The following MED1 variants were observed in gnomAD, a reference collection of about 807,000 sequenced individuals.
The protein encoded by MED1 is mediator complex subunit 1.
A neutral mutation model predicts 121.3 loss-of-function variants in MED1; 17 were observed. The ratio of observed to expected loss-of-function variants is 0.14; its 90% CI spans 0.10 to 0.21. The LOEUF is 0.21. Ranked by LOEUF, MED1 falls within the 10% of genes least tolerant of loss-of-function variation. The pLI is 1.00. For synonymous variants in MED1, 661 were observed against 694.4 expected (o/e 0.95, Z 0.76); for missense variants, 1,558 against 1,919.4 (o/e 0.81, Z 3.52).
Position 39,440,501 on chromosome 17 carries a change from C to T in MED1, c.284G>A (p.Ser95Asn), listed in dbSNP as rs1472380042. The change falls in exon 5 of 17, where the codon AGT (serine) becomes AAT (asparagine). Residue 95 changes from serine to asparagine, a missense_variant. Physicochemically the swap from Ser to Asn is conservative, Grantham distance 46 (BLOSUM62 1). Transcript: ENST00000300651. The surrounding 1 kb of genome is among the most constrained non-coding windows in gnomAD (Gnocchi z 4.1). ...ARQNGLGSHLSASGTECYITS... is the reference protein window; with the variant it reads ...ARQNGLGSHLNASGTECYITS... ...GATGTAACATTCAGTGCCACTGGCA[C>T]TGAGATGAGAGCCCAGTCTAGCAGG... 3.7e-6 allele frequency: 6 copies of T among 1,610,170 alleles called. No homozygotes were observed. The South Asian group carries it at 5.6e-5, about 15-fold the overall frequency.
rs746939024 is a variant in MED1, at chr17:39,409,673, T to C, written c.2548A>G (p.Ser850Gly). 8.1e-6 allele frequency: 13 copies of C among 1,614,176 alleles called. No homozygotes were observed. The highest frequency in any genetic ancestry group is 1.7e-5 in the Admixed American group (1 of 60,018). ...AAATGATTGGTAGGAGAGTCACTACTGGGGCTTCCAGCAGCATCTGCAATA... is the reference window on the plus strand; with the variant it reads ...AAATGATTGGTAGGAGAGTCACTACCGGGGCTTCCAGCAGCATCTGCAATA... ...DLIADAAGSP[S>G]SDSPTNHFFH... The change falls in exon 17 of 17, where the codon AGT becomes GGT. Residue 850 changes from serine to glycine, a missense_variant. Physicochemically the swap from Ser to Gly is moderately conservative, Grantham distance 56. This residue lies in a region of MED1 where 793 missense variants were observed against 898.2 expected (regional missense o/e 0.88). Coordinates refer to ENST00000300651, the MANE Select transcript of MED1 (RefSeq NM_004774.4).
intron 14 of MED1, 32 bp from the exon 15 acceptor site, chr17:39,415,371 C>T: frequency 6.4e-7 from 1 of 1,564,788 alleles, no homozygotes; most frequent in Non-Finnish European, 8.8e-7. Flanking sequence ...CATAAAACAA[C>T]CAAATATAAG....
intron 6 of MED1, among the ~76,000 whole-genome samples, chr17:39,436,625 T>C (rs772034966): frequency 1.3e-5 from 2 of 152,138 alleles, no homozygotes; most frequent in Non-Finnish European, 2.9e-5. Flanking sequence ...CCTAGCACTT[T>C]TACTGTAACA....
At position 39,409,941 on chromosome 17, in the gene MED1, T is replaced by C. The variant is rs761491807; in HGVS notation, c.2280A>G (p.Gln760=). 1.2e-6 allele frequency: 2 copies of C among 1,613,812 alleles called. No homozygotes were observed. The highest frequency in any genetic ancestry group is 1.7e-6 in the Non-Finnish European group (2 of 1,179,944). ...GTCGGACCATCCTTTGAATACTGGGTTGGGGGTGAGGTACTGGTTGTGGGT... is the reference window on the plus strand; with the variant it reads ...GTCGGACCATCCTTTGAATACTGGGCTGGGGGTGAGGTACTGGTTGTGGGT... ...TTYPQPVPHP[Q]PSIQRMVRLS... Residue 760 remains glutamine (Q), a synonymous_variant, in exon 17 of 17, where the codon CAA becomes CAG. Coordinates refer to ENST00000300651, the MANE Select transcript of MED1 (RefSeq NM_004774.4).
At chr17:39,421,603 G>C (rs976278127) in intron 13 of MED1, among the ~76,000 whole-genome samples, 1 of 151,876 alleles carries the variant, frequency 6.6e-6, no homozygotes, top group Non-Finnish European at 1.5e-5. Flanking sequence ...GCCCAGGCTG[G>C]TATTGAACTC....
At chr17:39,432,645 T>G (rs906586637) in intron 7 of MED1, among the ~76,000 whole-genome samples, 2 of 151,762 alleles carry the variant, frequency 1.3e-5, no homozygotes, top group Admixed American at 1.3e-4. Context: ...TCCCAGCTAC[T>G]TGGGAGACTA....
intron 13 of MED1, 48 bp downstream of exon 13, chr17:39,423,279 G>C: frequency 7.5e-7 from 1 of 1,334,212 alleles, no homozygotes. Flanking sequence ...TATGATCTTG[G>C]GTCCAAACAT....
Position 39,423,340 on chromosome 17 carries a change from A to G in MED1, c.1082T>C (p.Met361Thr). The change falls in exon 13 of 17, where the codon ATG becomes ACG. Residue 361 changes from methionine (M) to threonine (T), a missense_variant. By Grantham distance (81) the Met-to-Thr change is moderately conservative. Transcript: ENST00000300651. ...GGCTTTACTTACAGCATAAAATCTC[A>G]TGTTGTGATTCAAAGGTATGGGGTC... is the stretch of plus-strand genomic sequence containing the variant. ...DPDPIPLNHN[M>T]RFYAALPGQQ... 1 of 1,602,362 alleles carries G rather than the reference A, an allele frequency of 6.2e-7. No individual in the cohort carries two copies. The highest frequency in any genetic ancestry group is 2.2e-5 in the East Asian group (1 of 44,824).
chr17:39,447,775 A>T, intron 2 of MED1, 23 bp downstream of exon 2: 2 of 1,530,162 alleles, frequency 1.3e-6, no homozygotes, highest in Non-Finnish European at 1.8e-6. Context: ...AAAACACTTT[A>T]CCCACTTCAC....
At chr17:39,432,040 T>G in intron 7 of MED1, 24 bp from the exon 8 acceptor site, 2 of 1,552,202 alleles carry the variant, frequency 1.3e-6, no homozygotes, top group South Asian at 2.2e-5. Flanking sequence ...GAGAAGAACA[T>G]GAGTTAATAG....
In MED1 at chr17:39,409,406, T is replaced by C; in HGVS notation, c.2815A>G (p.Lys939Glu). ...ATAAGATCTGCAGGAGCTAAAGCTTTGCCGGCTACTGAAATAATACTGAAA... is the reference window on the plus strand; with the variant it reads ...ATAAGATCTGCAGGAGCTAAAGCTTCGCCGGCTACTGAAATAATACTGAAA... Reference protein sequence around the residue: ...VDFSIISVAGKALAPADLMEH... With the variant: ...VDFSIISVAGEALAPADLMEH... Residue 939 changes from lysine to glutamate, a missense_variant, in exon 17 of 17, where the codon AAA becomes GAA. Around this residue, in one of 5 missense-constraint regions of MED1, gnomAD observed 793 missense variants for 898.2 expected, o/e 0.88. Coordinates refer to ENST00000300651, the MANE Select transcript of MED1 (RefSeq NM_004774.4). 6.2e-7 allele frequency: 1 copy of C among 1,614,192 alleles called. No homozygotes were observed. Among genetic ancestry groups the C allele is most frequent in the Non-Finnish European group, 8.5e-7 (1 of 1,180,038 alleles).
Position 39,408,390 on chromosome 17 carries a change from G to A in MED1, c.3831C>T (p.Gly1277=), listed in dbSNP as rs1420159250. ...TASSSSFSSS[G]SSMSSSQNQH... Reference sequence around the variant, plus strand: ...GGTTCTGAGAGGATGACATGGAAGAGCCACTTGAGGAAAAGGAGGAGGAAG... The same window carrying A: ...GGTTCTGAGAGGATGACATGGAAGAACCACTTGAGGAAAAGGAGGAGGAAG... Residue 1277 remains glycine (G), a synonymous_variant, in exon 17 of 17, where the codon GGC becomes GGT. Transcript: ENST00000300651. The surrounding 1 kb of genome is among the most constrained non-coding windows in gnomAD (Gnocchi z 4.7). 1 of 1,614,060 alleles carries A rather than the reference G, an allele frequency of 6.2e-7. No individual in the cohort carries two copies. The highest frequency in any genetic ancestry group is 8.5e-7 in the Non-Finnish European group (1 of 1,180,044).
At chr17:39,434,005 T>G (rs542745684) in intron 7 of MED1, among the ~76,000 whole-genome samples, 1 of 152,160 alleles carries the variant, frequency 6.6e-6, no homozygotes, top group Non-Finnish European at 1.5e-5. Flanking sequence ...AGCCTAGAAA[T>G]TGGAATGTTG....
chr17:39,442,095 A>T (rs1230658991), intron 3 of MED1, among the ~76,000 whole-genome samples: 1 of 145,722 alleles, frequency 6.9e-6, no homozygotes, highest in Non-Finnish European at 1.5e-5. Flanking sequence ...AGAGTGAGAC[A>T]CTGTCTCCAG....
Position 39,439,985 on chromosome 17 carries a change from AGAAGGAAGGAAG to A in MED1, c.399+389_399+400del, listed in dbSNP as rs1172811100. On this transcript the variant is annotated intron_variant, in intron 5 of 16. Coordinates refer to ENST00000300651, the MANE Select transcript of MED1 (RefSeq NM_004774.4). ...AAGAAGGAAAGAAAGAAAGAAAGAA[AGAAGGAAGGAAG>A]GAAGGAAGGAAGGAAGGAAGGAAAG... Among the ~76,000 whole-genome samples, 110 of 125,686 alleles carry A rather than the reference AGAAGGAAGGAAG, an allele frequency of 8.8e-4. 1 individual carries two copies. Among genetic ancestry groups the A allele is most frequent in the African/African-American group, 2.8e-3 (89 of 31,416 alleles). 82.5% of individuals were successfully genotyped at this position (125,686 alleles called of 152,430 possible). A position where few individuals can be genotyped will look rare whatever the true frequency, so the allele number is the denominator to read the frequency against.
chr17:39,433,554 T>C lies in MED1; in HGVS notation c.500+695A>G, dbSNP rs549084668. On this transcript the variant is annotated intron_variant, in intron 7 of 16. Coordinates refer to ENST00000300651, the MANE Select transcript of MED1 (RefSeq NM_004774.4). ...ATATATATATATATATATACACACATATTTTTTCTTTTTTTTTGAGACAGC... is the reference window on the plus strand; with the variant it reads ...ATATATATATATATATATACACACACATTTTTTCTTTTTTTTTGAGACAGC... 1.5e-4 allele frequency among the ~76,000 whole-genome samples: 22 copies of C among 147,104 alleles called. No individual in the cohort carries two copies. The East Asian group carries it at 3.9e-3, about 26-fold the overall frequency.
intron 16 of MED1, among the ~76,000 whole-genome samples, chr17:39,410,949 CTA>C (rs2048349926): frequency 6.6e-6 from 1 of 152,146 alleles, no homozygotes; most frequent in East Asian, 1.9e-4. Context: ...CAAAAGCAAA[CTA>C]TAAACAAGAG....
rs896701817 is a variant in MED1, at chr17:39,406,001, G to C, written c.*1474C>G. 2 of 985,284 alleles carry C rather than the reference G, an allele frequency of 2.0e-6. No homozygotes were observed. Among genetic ancestry groups the C allele is most frequent in the African/African-American group, 3.5e-5 (2 of 57,174 alleles). The allele number at this position is 985,284 out of a possible 1,614,324, so 61.0% of individuals were successfully genotyped here. ...GAATGGAATAATCAGGAATGGCACA[G>C]TGCAGGTGTCAATATCAAAGTAAGG... On this transcript the variant is annotated 3_prime_UTR_variant, in exon 17 of 17. Transcript: ENST00000300651.
intron 6 of MED1, among the ~76,000 whole-genome samples, chr17:39,435,207 G>T (rs1320657228): frequency 6.6e-6 from 1 of 152,020 alleles, no homozygotes; most frequent in African/African-American, 2.4e-5. Context: ...ACACTTGTGG[G>T]TATACAGCAA....
Sources: gnomAD v4.1 joint callset for allele counts (sites outside exome capture counted in the v4.1 genomes callset) on GRCh38, gnomAD v4.1.1 for gene constraint, gnomAD v4.1.1 regional missense constraint, Gnocchi (gnomAD v3.1) non-coding constraint, MANE v1.5 for transcripts, NCBI Gene and HGNC (gene_info 2026-07-23, HGNC 2026-07-21) for gene names.